The following GNAL variants were observed in gnomAD, a reference collection of about 807,000 sequenced individuals.
GNAL encodes guanine nucleotide-binding protein G(olf) subunit alpha.
In GNAL, 18 loss-of-function variants were observed where a neutral mutation model predicts 55.1. The ratio of observed to expected loss-of-function variants is 0.33; its 90% CI spans 0.23 to 0.48. The LOEUF is 0.48. GNAL is among the 20% of genes least tolerant of loss of function. GNAL has a pLI of 0.99. For synonymous variants in GNAL, 253 were observed against 237.0 expected (o/e 1.07, Z -0.62); for missense variants, 412 against 614.1 (o/e 0.67, Z 3.48).
chr18:11,730,387 T>C (rs1356367170), intron 1 of GNAL, among the ~76,000 whole-genome samples: 1 of 151,624 alleles, frequency 6.6e-6, no homozygotes, highest in Non-Finnish European at 1.5e-5. Context: ...CTCGAACTCC[T>C]GATCTCAGGT....
At chr18:11,801,853 C>CG (rs2143510001) in intron 4 of GNAL, among the ~76,000 whole-genome samples, 1 of 152,130 alleles carries the variant, frequency 6.6e-6, no homozygotes, top group African/African-American at 2.4e-5. Flanking sequence ...GAGCAGGTCC[C>CG]GGGGGTCAGG....
chr18:11,791,987 A>G (rs1257936365), intron 4 of GNAL, among the ~76,000 whole-genome samples: 1 of 152,150 alleles, frequency 6.6e-6, no homozygotes, highest in African/African-American at 2.4e-5. Flanking sequence ...GACTATTGTC[A>G]TTTCCGATTT....
chr18:11,854,326 T>C (rs927571474), intron 5 of GNAL: 2 of 167,124 alleles, frequency 1.2e-5, no homozygotes, highest in Admixed American at 1.3e-4. Flanking sequence ...TACATTTTTA[T>C]GAGTCATAAA....
At chr18:11,724,603 T>C (rs1378281855) in intron 1 of GNAL, among the ~76,000 whole-genome samples, 3 of 152,138 alleles carry the variant, frequency 2.0e-5, no homozygotes, top group African/African-American at 7.2e-5. Context: ...GGACCAAAGG[T>C]ATGATAGCAG....
At chr18:11,694,267 G>A (rs1261006130) in intron 1 of GNAL, among the ~76,000 whole-genome samples, 1 of 152,136 alleles carries the variant, frequency 6.6e-6, no homozygotes, top group Non-Finnish European at 1.5e-5. Context: ...TTAACTCCCT[G>A]TGTCCTGTGA....
At chr18:11,839,472 T>G (rs2035566243) in intron 5 of GNAL, among the ~76,000 whole-genome samples, 1 of 142,976 alleles carries the variant, frequency 7.0e-6, no homozygotes. Context: ...GAGGATTGCT[T>G]GAGTCTAGAG....
intron 1 of GNAL, among the ~76,000 whole-genome samples, chr18:11,712,733 C>T (rs2031867219): frequency 6.6e-6 from 1 of 152,194 alleles, no homozygotes. Context: ...TTATTCAGTT[C>T]TCCCTCTACA....
intron 5 of GNAL, among the ~76,000 whole-genome samples, chr18:11,849,435 G>T (rs573016481): frequency 3.2e-4 from 49 of 151,210 alleles, no homozygotes; most frequent in Non-Finnish European, 4.3e-4. Flanking sequence ...CCAGAAGGGG[G>T]AGGCTGCAGT....
chr18:11,867,357 C>G, intron 8 of GNAL, 131 bp downstream of exon 8: 1 of 687,706 alleles, frequency 1.5e-6, no homozygotes, highest in African/African-American at 1.8e-5. Flanking sequence ...TTATGATGCT[C>G]CTTCCTTAGA....
chr18:11,748,982 TG>T (rs1325257784), intron 1 of GNAL, among the ~76,000 whole-genome samples: 1 of 151,774 alleles, frequency 6.6e-6, no homozygotes, highest in East Asian at 1.9e-4. Context: ...AAAAATTAGC[TG>T]GGTGTGATGG....
chr18:11,841,615 A>C (rs2035614964), intron 5 of GNAL, among the ~76,000 whole-genome samples: 1 of 149,600 alleles, frequency 6.7e-6, no homozygotes, highest in Non-Finnish European at 1.5e-5. Context: ...ACTGCACTTC[A>C]GCCTGGGCAA....
chr18:11,717,704 AT>A (rs2032006298), intron 1 of GNAL, among the ~76,000 whole-genome samples: 2 of 152,194 alleles, frequency 1.3e-5, no homozygotes, highest in African/African-American at 4.8e-5. Context: ...AGAAAACCAA[AT>A]ACTGCATGTT....
At chr18:11,766,283 A>T (rs2033403970) in intron 4 of GNAL, among the ~76,000 whole-genome samples, 1 of 152,168 alleles carries the variant, frequency 6.6e-6, no homozygotes, top group Non-Finnish European at 1.5e-5. Flanking sequence ...AAATAATCTC[A>T]TACTTTTTTT....
At chr18:11,695,914 G>A (rs374319792) in intron 1 of GNAL, among the ~76,000 whole-genome samples, 1 of 147,012 alleles carries the variant, frequency 6.8e-6, no homozygotes, top group African/African-American at 2.7e-5. Context: ...AGACATGCAT[G>A]CACGCATGCA....
At chr18:11,708,848 G>T (rs919665242) in intron 1 of GNAL, among the ~76,000 whole-genome samples, 5 of 152,070 alleles carry the variant, frequency 3.3e-5, no homozygotes, top group Admixed American at 2.6e-4. Flanking sequence ...CTGTGCTGTT[G>T]GTGTCATATC....
intron 5 of GNAL, among the ~76,000 whole-genome samples, chr18:11,832,873 TAAA>T (rs2035417172): frequency 6.6e-6 from 1 of 151,774 alleles, no homozygotes; most frequent in Non-Finnish European, 1.5e-5. Flanking sequence ...AATAAATAAA[TAAA>T]TAAATAAAAA....
chr18:11,705,455 C>T (rs2031685885), intron 1 of GNAL, among the ~76,000 whole-genome samples: 1 of 152,148 alleles, frequency 6.6e-6, no homozygotes, highest in African/African-American at 2.4e-5. Context: ...GATTTCAGTT[C>T]TTTTGAATAT....
chr18:11,773,915 T>C (rs2143299527), intron 4 of GNAL, among the ~76,000 whole-genome samples: 1 of 152,348 alleles, frequency 6.6e-6, no homozygotes, highest in African/African-American at 2.4e-5. Context: ...TGGTCTCACC[T>C]CTGCCTCTTC....
chr18:11,768,719 C>T (rs1568018197), intron 4 of GNAL, among the ~76,000 whole-genome samples: 1 of 149,900 alleles, frequency 6.7e-6, no homozygotes, highest in African/African-American at 2.5e-5. Flanking sequence ...ATGGTGAAAC[C>T]CCGTCTCTAC....
Sources: allele counts gnomAD v4.1 joint callset (sites outside exome capture counted in the v4.1 genomes callset), GRCh38; gene constraint gnomAD v4.1.1; transcripts MANE v1.5; gene names NCBI Gene and HGNC (gene_info 2026-07-23, HGNC 2026-07-21).